The following RFX2 variants were observed in gnomAD, a reference collection of about 807,000 sequenced individuals.
RFX2 encodes regulatory factor X2.
RFX2 carries 20 observed loss-of-function variants against 87.8 expected under a neutral mutation model. That is an observed-to-expected ratio of 0.23 (90% CI 0.16 to 0.33). The LOEUF (loss-of-function observed/expected upper bound fraction) is 0.33, where lower values mean the gene tolerates loss of function less well. RFX2 is among the 10% of genes least tolerant of loss of function. RFX2 has a pLI of 1.00. For synonymous variants in RFX2, 397 were observed against 431.3 expected (o/e 0.92, Z 0.98); for missense variants, 767 against 1,012.3 (o/e 0.76, Z 3.29).
intron 1 of RFX2, among the ~76,000 whole-genome samples, chr19:6,071,669 A>G (rs1345987905): frequency 6.6e-6 from 1 of 152,244 alleles, no homozygotes; most frequent in Admixed American, 6.5e-5. Flanking sequence ...AAGATGCAGC[A>G]AAAGGGTCTT....
chr19:6,096,816 T>G (rs2088036397), intron 1 of RFX2, among the ~76,000 whole-genome samples: 1 of 152,208 alleles, frequency 6.6e-6, no homozygotes, highest in Non-Finnish European at 1.5e-5. Flanking sequence ...AACGCACTCC[T>G]GGTATTCCAT....
chr19:6,041,844 T>C (rs537584497), intron 4 of RFX2, among the ~76,000 whole-genome samples, 200 bp downstream of exon 4: 1 of 152,268 alleles, frequency 6.6e-6, no homozygotes, highest in South Asian at 2.1e-4. Context: ...GGAGGGACTC[T>C]AGGCACTTGT....
At position 6,023,941 on chromosome 19, in the gene RFX2, G is replaced by A. The variant is rs545472907; in HGVS notation, c.597+2222C>T. 1.0e-3 allele frequency among the ~76,000 whole-genome samples: 157 copies of A among 152,172 alleles called. No individual in the cohort carries two copies. The highest frequency in any genetic ancestry group is 3.5e-3 in the African/African-American group (146 of 41,510). The stretch of plus-strand genomic sequence containing the variant: ...ACTACAGGCATGTGCCACCACGCCC[G>A]GCTAATATTTGTATTTTTGGTAGAG... On this transcript the variant is annotated intron_variant, in intron 6 of 17. Transcript: ENST00000303657. The surrounding 1 kb of genome is among the most constrained non-coding windows in gnomAD (Gnocchi z 4.9).
At chr19:6,099,315 G>A (rs1165140147) in intron 1 of RFX2, among the ~76,000 whole-genome samples, 1 of 152,010 alleles carries the variant, frequency 6.6e-6, no homozygotes, top group Non-Finnish European at 1.5e-5. Flanking sequence ...CCCGCTCCCC[G>A]AACTTTCTGG....
chr19:6,039,943 T>A lies in RFX2; in HGVS notation c.522+37A>T. ...GCTGCCGCTGCTTCGAGAATACTCA[T>A]GGCCTACCCTGCTGGTCCCAAGAGC... is the stretch of plus-strand genomic sequence containing the variant. On this transcript the variant is annotated intron_variant, in intron 5 of 17. Coordinates refer to ENST00000303657, the MANE Select transcript of RFX2 (RefSeq NM_000635.4). This position sits in a 1 kb window ranked among gnomAD's most constrained non-coding sequence, Gnocchi z 5.2. 1 of 1,507,716 alleles carries A rather than the reference T, an allele frequency of 6.6e-7. No homozygotes were observed. Among genetic ancestry groups the A allele is most frequent in the South Asian group, 1.2e-5 (1 of 81,128 alleles). 93.4% of individuals were successfully genotyped at this position (1,507,716 alleles called of 1,614,324 possible).
chr19:6,081,100 A>C (rs1225873656), intron 1 of RFX2, among the ~76,000 whole-genome samples: 4 of 152,172 alleles, frequency 2.6e-5, no homozygotes, highest in African/African-American at 7.2e-5. Flanking sequence ...CCACAGGCAC[A>C]ATATAATCTG....
intron 1 of RFX2, among the ~76,000 whole-genome samples, chr19:6,100,929 C>T (rs1255654008): frequency 2.0e-5 from 3 of 148,054 alleles, no homozygotes; most frequent in Non-Finnish European, 4.4e-5. Context: ...TTTACTCACC[C>T]GCGTCTGTCA....
At position 6,039,333 on chromosome 19, in the gene RFX2, T is replaced by C. The variant is rs2087069411; in HGVS notation, c.522+647A>G. The stretch of plus-strand genomic sequence containing the variant: ...GGGGGAGGTTGTGACTGCCAAGAAA[T>C]ACCACGAGGGGGTTTTCAGGGCAAT... On this transcript the variant is annotated intron_variant, in intron 5 of 17. Transcript: ENST00000303657. The surrounding 1 kb of genome is among the most constrained non-coding windows in gnomAD (Gnocchi z 5.2). Among the ~76,000 whole-genome samples, 1 of 152,320 alleles carries C rather than the reference T, an allele frequency of 6.6e-6. No homozygotes were observed.
Position 6,002,930 on chromosome 19 carries a change from C to T in RFX2, c.1501-60G>A. 6.5e-7 allele frequency: 1 copy of T among 1,542,340 alleles called. No individual in the cohort carries two copies. The highest frequency in any genetic ancestry group is 8.7e-7 in the Non-Finnish European group (1 of 1,146,420). On this transcript the variant is annotated intron_variant, in intron 13 of 17. Coordinates refer to ENST00000303657, the MANE Select transcript of RFX2 (RefSeq NM_000635.4). The surrounding 1 kb of genome is among the most constrained non-coding windows in gnomAD (Gnocchi z 6.7). ...CAGGGAGAGCCTGTTCCGCTGCGCTCCTTGCAGGGGTGTGTGGGCTCAGGG... is the reference window on the plus strand; with the variant it reads ...CAGGGAGAGCCTGTTCCGCTGCGCTTCTTGCAGGGGTGTGTGGGCTCAGGG...
chr19:6,006,938 G>A (rs996735037), intron 12 of RFX2, 74 bp downstream of exon 12: 24 of 1,531,804 alleles, frequency 1.6e-5, no homozygotes, highest in African/African-American at 2.7e-5. Context: ...GGCTGAAGAC[G>A]TACATGTAAG....
Position 6,011,909 on chromosome 19 carries a change from T to C in RFX2, c.899+1077A>G, listed in dbSNP as rs77037548. Among the ~76,000 whole-genome samples, 1,519 of 152,352 alleles carry C rather than the reference T, an allele frequency of 1.0e-2. 8 individuals carry two copies. Among genetic ancestry groups the C allele is most frequent in the Non-Finnish European group, 0.015 (1,040 of 68,018 alleles). ...GAGGCACACTGGGAGGCAGTGATAT[T>C]TGAATGGGCCCTAAACCAGGGGCCA... is the stretch of plus-strand genomic sequence containing the variant. On this transcript the variant is annotated intron_variant, in intron 8 of 17. Transcript: ENST00000303657. The surrounding 1 kb of genome is among the most constrained non-coding windows in gnomAD (Gnocchi z 4.8).
At chr19:6,091,634 G>C (rs911994030) in intron 1 of RFX2, among the ~76,000 whole-genome samples, 3 of 152,292 alleles carry the variant, frequency 2.0e-5, no homozygotes, top group Non-Finnish European at 4.4e-5. Context: ...AATTAGGCAC[G>C]AGAACGTACA....
At chr19:6,091,620 A>G (rs2087936506) in intron 1 of RFX2, among the ~76,000 whole-genome samples, 2 of 152,232 alleles carry the variant, frequency 1.3e-5, no homozygotes, top group Admixed American at 1.3e-4. Flanking sequence ...CATAATTATG[A>G]GAAAATTAGG....
Position 6,083,335 on chromosome 19 carries a change from T to C in RFX2, c.-9+27058A>G, listed in dbSNP as rs1457597759. On this transcript the variant is annotated intron_variant, in intron 1 of 17. Coordinates refer to ENST00000303657, the MANE Select transcript of RFX2 (RefSeq NM_000635.4). The surrounding 1 kb of genome is among the most constrained non-coding windows in gnomAD (Gnocchi z 4.6). ...TTTGCATCCCAGGCGAGGGCCTCACTGCCTCATGCTAGTTCTGACCCTGGT... is the reference window on the plus strand; with the variant it reads ...TTTGCATCCCAGGCGAGGGCCTCACCGCCTCATGCTAGTTCTGACCCTGGT... Among the ~76,000 whole-genome samples the C allele has an allele frequency of 6.6e-6, 1 of 152,232 alleles. No individual in the cohort carries two copies. Among genetic ancestry groups the C allele is most frequent in the Non-Finnish European group, 1.5e-5 (1 of 68,032 alleles).
In RFX2 at chr19:6,026,059, A is replaced by G. The variant is rs2086885021; in HGVS notation, c.597+104T>C. The G allele has an allele frequency of 1.1e-6, 1 of 937,000 alleles. No individual in the cohort carries two copies. Among genetic ancestry groups the G allele is most frequent in the African/African-American group, 1.7e-5 (1 of 60,506 alleles). 58.0% of individuals were successfully genotyped at this position (937,000 alleles called of 1,614,324 possible). On this transcript the variant is annotated intron_variant, in intron 6 of 17. Transcript: ENST00000303657. The surrounding 1 kb of genome is among the most constrained non-coding windows in gnomAD (Gnocchi z 4.5). ...CTTGGCCTCCCAAAGTGCTGGGATT[A>G]CAGGTGTGAGCCACCGCACCTGGTT...
Position 6,020,850 on chromosome 19 carries a change from A to G in RFX2, c.598-4579T>C, listed in dbSNP as rs1439156543. 1.3e-5 allele frequency among the ~76,000 whole-genome samples: 2 copies of G among 152,254 alleles called. No individual in the cohort carries two copies. Among genetic ancestry groups the G allele is most frequent in the Non-Finnish European group, 1.5e-5 (1 of 68,050 alleles). On this transcript the variant is annotated intron_variant, in intron 6 of 17. Transcript: ENST00000303657. This position sits in a 1 kb window ranked among gnomAD's most constrained non-coding sequence, Gnocchi z 5.3. Reference sequence around the variant, plus strand: ...CAGAACGCTTTCCAAGGAAATGTACATGTGTACCCACATTTGCCACAATCT... The same window carrying G: ...CAGAACGCTTTCCAAGGAAATGTACGTGTGTACCCACATTTGCCACAATCT...
intron 7 of RFX2, among the ~76,000 whole-genome samples, chr19:6,014,840 G>A (rs1002370693): frequency 2.6e-5 from 4 of 152,282 alleles, no homozygotes; most frequent in South Asian, 2.1e-4. Context: ...TCTGGTCCTC[G>A]TGGATCCACC....
At chr19:6,096,724 G>C (rs1237310357) in intron 1 of RFX2, among the ~76,000 whole-genome samples, 1 of 152,196 alleles carries the variant, frequency 6.6e-6, no homozygotes, top group Non-Finnish European at 1.5e-5. Context: ...GGGATTACAG[G>C]CGTAAGGCAC....
chr19:6,110,062 C>T lies in RFX2; in HGVS notation c.-9+331G>A, dbSNP rs957807389. 6.6e-6 allele frequency among the ~76,000 whole-genome samples: 1 copy of T among 151,832 alleles called. No individual in the cohort carries two copies. The highest frequency in any genetic ancestry group is 1.5e-5 in the Non-Finnish European group (1 of 67,940). Reference sequence around the variant, plus strand: ...GTTTGAGGAGTTTGAGAGACGTTCCCGGGGCGCCCCCAACTCAGCGAGTTT... The same window carrying T: ...GTTTGAGGAGTTTGAGAGACGTTCCTGGGGCGCCCCCAACTCAGCGAGTTT... On this transcript the variant is annotated intron_variant, in intron 1 of 17. Coordinates refer to ENST00000303657, the MANE Select transcript of RFX2 (RefSeq NM_000635.4). This position sits in a 1 kb window ranked among gnomAD's most constrained non-coding sequence, Gnocchi z 4.3.
Sources: gnomAD v4.1 joint callset for allele counts (sites outside exome capture counted in the v4.1 genomes callset) on GRCh38, gnomAD v4.1.1 for gene constraint, Gnocchi (gnomAD v3.1) non-coding constraint, MANE v1.5 for transcripts, NCBI Gene and HGNC (gene_info 2026-07-23, HGNC 2026-07-21) for gene names.